Variants in MITF observed in about 807,000 individuals in gnomAD.
The protein encoded by MITF is melanocyte inducing transcription factor, also known as microphthalmia-associated transcription factor.
In MITF, 17 loss-of-function variants were observed where a neutral mutation model predicts 60.5. The observed-to-expected ratio is 0.28, with a 90% CI of 0.19 to 0.42. The LOEUF (loss-of-function observed/expected upper bound fraction) is 0.42, where lower values mean the gene tolerates loss of function less well. Among genes scored for constraint, MITF ranks in the 10% least tolerant of loss-of-function variants. MITF has a pLI of 1.00. For missense variants in MITF, 622 were observed against 683.5 expected, an observed-to-expected ratio of 0.91 and a Z score of 1.00; for synonymous variants, 260 against 248.5, an observed-to-expected ratio of 1.05 and a Z score of -0.43.
At chr3:69,845,535 C>G (rs1041340321) in intron 1 of MITF, among the ~76,000 whole-genome samples, 1 of 148,802 alleles carries the variant, frequency 6.7e-6, no homozygotes, top group Admixed American at 6.8e-5. Flanking sequence ...TTGGTTGACT[C>G]TCTATGATTT....
At chr3:69,830,312 C>A (rs1331264524) in intron 1 of MITF, among the ~76,000 whole-genome samples, 3 of 152,146 alleles carry the variant, frequency 2.0e-5, no homozygotes, top group African/African-American at 7.2e-5. Context: ...CTCACTCTTG[C>A]CCAGTGTGCT....
At chr3:69,948,984 G>T in intron 5 of MITF, 67 bp from the exon 6 acceptor site, 1 of 1,170,866 alleles carries the variant, frequency 8.5e-7, no homozygotes, top group Non-Finnish European at 1.3e-6. Flanking sequence ...GTAGGATATA[G>T]GTTTTATCTG....
rs1040021263 is a variant in MITF at position 69,966,896 on chromosome 3, G to A, written c.*1648G>A. 18 of 232,564 alleles carry A rather than the reference G, an allele frequency of 7.7e-5. No homozygotes were observed. Among genetic ancestry groups the A allele is most frequent in the African/African-American group, 3.3e-4 (15 of 45,290 alleles). The allele number at this position is 232,564 out of a possible 1,614,324, so 14.4% of individuals were successfully genotyped here. A position where few individuals can be genotyped will look rare whatever the true frequency, so the allele number is the denominator to read the frequency against. On this transcript the variant is annotated 3_prime_UTR_variant, in exon 10 of 10. Transcript: ENST00000352241. ...TGACTGAACTGTAATGTAGGGGAAAGTTTCATGATGGTATCTATAGTCAAG... is the reference window on the plus strand; with the variant it reads ...TGACTGAACTGTAATGTAGGGGAAAATTTCATGATGGTATCTATAGTCAAG...
At chr3:69,758,357 G>C (rs1180271247) in intron 1 of MITF, among the ~76,000 whole-genome samples, 1 of 151,316 alleles carries the variant, frequency 6.6e-6, no homozygotes, top group Middle Eastern at 3.2e-3. Flanking sequence ...TTTTTCTAAG[G>C]TTGGGATCTT....
chr3:69,891,792 C>T (rs2064765366), intron 2 of MITF, among the ~76,000 whole-genome samples: 1 of 152,120 alleles, frequency 6.6e-6, no homozygotes, highest in Admixed American at 6.5e-5. Context: ...GTAAGACAGG[C>T]AAAGGAAATG....
chr3:69,791,767 C>T (rs1209884922), intron 1 of MITF, among the ~76,000 whole-genome samples: 4 of 152,200 alleles, frequency 2.6e-5, no homozygotes, highest in Non-Finnish European at 5.9e-5. Context: ...CTATGCACTG[C>T]ATGACATCCC....
chr3:69,790,444 G>A (rs912051045), intron 1 of MITF, among the ~76,000 whole-genome samples: 7 of 152,174 alleles, frequency 4.6e-5, no homozygotes, highest in African/African-American at 1.7e-4. Flanking sequence ...TCAATGAACT[G>A]TATATTTAGA....
At chr3:69,810,922 A>T (rs145852311) in intron 1 of MITF, among the ~76,000 whole-genome samples, 7 of 152,224 alleles carry the variant, frequency 4.6e-5, no homozygotes, top group African/African-American at 1.4e-4. Context: ...TAAAATTTGG[A>T]TAAAACTTTG....
chr3:69,845,951 G>A (rs1267939353), intron 1 of MITF, among the ~76,000 whole-genome samples: 1 of 152,224 alleles, frequency 6.6e-6, no homozygotes, highest in East Asian at 1.9e-4. Context: ...TGTTTATTGA[G>A]CACCTACTTT....
intron 1 of MITF, among the ~76,000 whole-genome samples, chr3:69,754,494 T>C (rs560999091): frequency 1.3e-5 from 2 of 152,162 alleles, no homozygotes; most frequent in Non-Finnish European, 2.9e-5. Flanking sequence ...GCTTCCACCA[T>C]GTGAGATGGC....
chr3:69,872,415 C>A (rs1400542153), intron 1 of MITF, among the ~76,000 whole-genome samples: 7 of 152,162 alleles, frequency 4.6e-5, no homozygotes, highest in East Asian at 3.9e-4. Flanking sequence ...CATTTTTGAT[C>A]CTTCTTCCTA....
At chr3:69,848,129 A>C (rs1434343588) in intron 1 of MITF, among the ~76,000 whole-genome samples, 1 of 152,240 alleles carries the variant, frequency 6.6e-6, no homozygotes, top group Non-Finnish European at 1.5e-5. Context: ...AGCTTTGCGA[A>C]TTTATAACAG....
At chr3:69,805,950 C>T (rs1163232528) in intron 1 of MITF, among the ~76,000 whole-genome samples, 1 of 152,096 alleles carries the variant, frequency 6.6e-6, no homozygotes, top group Non-Finnish European at 1.5e-5. Flanking sequence ...TATGAGCCAC[C>T]ATGCATGGCC....
intron 1 of MITF, among the ~76,000 whole-genome samples, chr3:69,781,856 C>T (rs1323449615): frequency 2.0e-5 from 3 of 152,150 alleles, no homozygotes; most frequent in East Asian, 1.9e-4. Flanking sequence ...TATCTCTTGT[C>T]GAAGGCTTGG....
chr3:69,866,329 C>A, intron 1 of MITF: 1 of 1,613,828 alleles, frequency 6.2e-7, no homozygotes, highest in Non-Finnish European at 8.5e-7. Context: ...TGCCATGCTC[C>A]TTTGAAAGCT....
chr3:69,870,102 A>C (rs529202233), intron 1 of MITF, among the ~76,000 whole-genome samples: 1 of 151,438 alleles, frequency 6.6e-6, no homozygotes, highest in African/African-American at 2.4e-5. Context: ...TCTTTAATTT[A>C]TATTATGCTA....
chr3:69,944,189 G>A (rs533480004), intron 5 of MITF, among the ~76,000 whole-genome samples: 10 of 152,112 alleles, frequency 6.6e-5, no homozygotes, highest in East Asian at 3.9e-4. Context: ...TCATTATCTC[G>A]TTGTTCCGAA....
intron 1 of MITF, among the ~76,000 whole-genome samples, chr3:69,756,808 T>A (rs1704167554): frequency 6.6e-6 from 1 of 152,226 alleles, no homozygotes; most frequent in Non-Finnish European, 1.5e-5. Flanking sequence ...GTTTCCTGAC[T>A]TTTTAATGAT....
At chr3:69,954,999 CATTA>C (rs1327158272) in intron 7 of MITF, among the ~76,000 whole-genome samples, 1 of 152,174 alleles carries the variant, frequency 6.6e-6, no homozygotes, top group African/African-American at 2.4e-5. Flanking sequence ...TGTTTGACTA[CATTA>C]ATTAGAGACA....
Sources: gnomAD v4.1 joint callset for allele counts (sites outside exome capture counted in the v4.1 genomes callset) on GRCh38, gnomAD v4.1.1 for gene constraint, MANE v1.5 for transcripts, NCBI Gene and HGNC (gene_info 2026-07-23, HGNC 2026-07-21) for gene names.